Variants in MYH11 observed in about 807,000 individuals in gnomAD.
MYH11 encodes myosin-11.
Under a neutral mutation model 246.6 loss-of-function variants are expected in MYH11, and 80 were observed. That is an observed-to-expected ratio of 0.32 (90% confidence interval 0.27 to 0.39). The LOEUF is 0.39. Among genes scored for constraint, MYH11 ranks in the 10% least tolerant of loss-of-function variants. The pLI is 1.00. For missense variants in MYH11, 2,158 were observed against 2,546.8 expected (o/e 0.85, Z 3.29); for synonymous variants, 1,071 against 1,015.5 (o/e 1.05, Z -1.04).
At chr16:15,790,750 CTACCCCAGTGCCA>C (rs2042588960) in intron 4 of MYH11, among the ~76,000 whole-genome samples, 1 of 152,110 alleles carries the variant, frequency 6.6e-6, no homozygotes, top group Non-Finnish European at 1.5e-5. Context: ...GGCCTTGTAA[CTACCCCAGTGCCA>C]AGTCCTTTTA....
intron 4 of MYH11, among the ~76,000 whole-genome samples, chr16:15,793,629 T>C (rs1356679758): frequency 1.2e-4 from 17 of 141,546 alleles, no homozygotes; most frequent in Admixed American, 2.1e-4. Context: ...TTTTTTTTTT[T>C]TTTTTTTTGA....
intron 37 of MYH11, 44 bp downstream of exon 37, chr16:15,718,269 GGA>G (rs1567689565): frequency 3.1e-6 from 5 of 1,604,832 alleles, no homozygotes. Context: ...TCCTGCTGCA[GGA>G]GAGACAGTAG....
chr16:15,717,729 G>A (rs1023870411), intron 37 of MYH11: 1 of 328,306 alleles, frequency 3.0e-6, no homozygotes, highest in Non-Finnish European at 5.8e-6. Flanking sequence ...TTGGGAGGCA[G>A]AGGTTGCAGT....
At chr16:15,838,883 A>C (rs1020202464) in intron 1 of MYH11, among the ~76,000 whole-genome samples, 11 of 150,290 alleles carry the variant, frequency 7.3e-5, no homozygotes, top group Non-Finnish European at 1.5e-4. Flanking sequence ...AAAGAAGAAG[A>C]AGCCGGAAGT....
chr16:15,845,545 G>A (rs1406917879), intron 1 of MYH11, among the ~76,000 whole-genome samples: 1 of 152,142 alleles, frequency 6.6e-6, no homozygotes, highest in Non-Finnish European at 1.5e-5. Context: ...TTTCTGGACA[G>A]CCATAGTCAC....
chr16:15,767,236 T>A (rs1318316173), intron 9 of MYH11, among the ~76,000 whole-genome samples: 5 of 151,956 alleles, frequency 3.3e-5, no homozygotes, highest in Admixed American at 1.3e-4. Flanking sequence ...GAATCATGGA[T>A]GAATAGAGGA....
chr16:15,831,277 G>A (rs939399373), intron 2 of MYH11, among the ~76,000 whole-genome samples: 5 of 152,168 alleles, frequency 3.3e-5, no homozygotes, highest in Non-Finnish European at 4.4e-5. Context: ...AAATAGGAAC[G>A]AAGGGGGAAG....
intron 2 of MYH11, among the ~76,000 whole-genome samples, chr16:15,832,943 C>CTTTTTTTTTTTTTTTTTTT (rs780380104): frequency 1.8e-5 from 1 of 55,340 alleles, no homozygotes; most frequent in Non-Finnish European, 3.2e-5. Context: ...GCAACCTCAT[C>CTTTTTTTTTTTTTTTTTTT]TTTTTTTTTT....
intron 3 of MYH11, among the ~76,000 whole-genome samples, chr16:15,822,988 A>G (rs1226244896): frequency 6.6e-6 from 1 of 152,280 alleles, no homozygotes; most frequent in Non-Finnish European, 1.5e-5. Flanking sequence ...CTTTGCAGAC[A>G]GCTGGCCCGA....
chr16:15,703,281 CTG>C lies in MYH11; in HGVS notation c.*708_*709del. 1 of 225,792 alleles carries C rather than the reference CTG, an allele frequency of 4.4e-6. No individual in the cohort carries two copies. The highest frequency in any genetic ancestry group is 8.8e-6 in the Non-Finnish European group (1 of 113,018). The allele number at this position is 225,792 out of a possible 1,614,324, so 14.0% of individuals were successfully genotyped here. ...AAGGCACTTGGTGAACTGTGCGTGT[CTG>C]AGGTGTGGAAACCAGGAGAGGGGGA... On this transcript the variant is annotated 3_prime_UTR_variant, in exon 41 of 41. Coordinates refer to ENST00000300036, the MANE Select transcript of MYH11 (RefSeq NM_002474.3).
chr16:15,808,978 T>C lies in MYH11; in HGVS notation c.503-10291A>G, dbSNP rs369229993. Among the ~76,000 whole-genome samples, 28 of 152,242 alleles carry C rather than the reference T, an allele frequency of 1.8e-4. 1 individual carries two copies. The East Asian group carries it at 2.9e-3, about 16-fold the overall frequency. The stretch of plus-strand genomic sequence containing the variant: ...ACAGGAAAACCAACGCTCTCCCTCT[T>C]GGGCCTCCACTCCTACCTCCTACAT... On this transcript the variant is annotated intron_variant, in intron 3 of 40. Coordinates refer to ENST00000300036, the MANE Select transcript of MYH11 (RefSeq NM_002474.3).
chr16:15,778,954 A>C (rs1239511224), intron 6 of MYH11, 111 bp from the exon 7 acceptor site: 7 of 1,057,156 alleles, frequency 6.6e-6, no homozygotes, highest in Non-Finnish European at 1.0e-5. Context: ...TGGGGCGGGG[A>C]GATTCTTGCG....
intron 1 of MYH11, among the ~76,000 whole-genome samples, chr16:15,842,762 CAAAAAAAAAAAAAA>C (rs757920488): frequency 8.1e-4 from 16 of 19,638 alleles, no homozygotes; most frequent in Non-Finnish European, 1.7e-3. Context: ...AGACTTCATC[CAAAAAAAAAAAAAA>C]AAAAAAAAAA....
intron 7 of MYH11, among the ~76,000 whole-genome samples, chr16:15,778,371 A>G (rs944309353): frequency 6.6e-6 from 1 of 152,208 alleles, no homozygotes; most frequent in African/African-American, 2.4e-5. Context: ...TACGATAGAC[A>G]CTACGTAGCC....
chr16:15,805,033 G>A (rs979997953), intron 3 of MYH11, among the ~76,000 whole-genome samples: 7 of 152,164 alleles, frequency 4.6e-5, no homozygotes, highest in African/African-American at 1.7e-4. Context: ...ATCTGTATCT[G>A]AAACATCGTC....
intron 20 of MYH11, among the ~76,000 whole-genome samples, chr16:15,743,636 G>A (rs976363301): frequency 3.9e-5 from 6 of 152,186 alleles, no homozygotes; most frequent in Non-Finnish European, 8.8e-5. Flanking sequence ...CTTGCTTCAT[G>A]CACTTATCAC....
intron 1 of MYH11, among the ~76,000 whole-genome samples, chr16:15,853,730 G>T (rs1176567346): frequency 6.6e-6 from 1 of 152,142 alleles, no homozygotes; most frequent in Non-Finnish European, 1.5e-5. Flanking sequence ...ATGCCATCAA[G>T]ACCCTAAATA....
At chr16:15,709,243 T>C (rs984573438) in intron 40 of MYH11, among the ~76,000 whole-genome samples, 1 of 152,024 alleles carries the variant, frequency 6.6e-6, no homozygotes, top group Non-Finnish European at 1.5e-5. Context: ...CCACCGCACC[T>C]GGCATTAAAA....
In MYH11 at chr16:15,798,802, A is replaced by G. The variant is rs60015990; in HGVS notation, c.503-115T>C. On this transcript the variant is annotated intron_variant, in intron 3 of 40. Coordinates refer to ENST00000300036, the MANE Select transcript of MYH11 (RefSeq NM_002474.3). ...TCTAAAGCTTCTCCATGCTGGCCTC[A>G]TTGGAAGTGACAACAGGTCAGCTGG... 2,582 of 1,137,548 alleles carry G rather than the reference A, an allele frequency of 2.3e-3. 42 individuals are homozygous for G. The African/African-American group carries it at 0.033, about 15-fold the overall frequency. 70.5% of individuals were successfully genotyped at this position (1,137,548 alleles called of 1,614,324 possible). A position where few individuals can be genotyped will look rare whatever the true frequency, so the allele number is the denominator to read the frequency against.
Sources: allele counts gnomAD v4.1 joint callset (sites outside exome capture counted in the v4.1 genomes callset), GRCh38; gene constraint gnomAD v4.1.1; transcripts MANE v1.5; gene names NCBI Gene and HGNC (gene_info 2026-07-23, HGNC 2026-07-21).